The following CTNND2 variants were observed in gnomAD, a reference collection of about 807,000 sequenced individuals.
The protein encoded by CTNND2 is catenin delta-2.
A neutral mutation model predicts 144.4 loss-of-function variants in CTNND2; 22 were observed. That is an observed-to-expected ratio of 0.15 (90% confidence interval 0.11 to 0.22). CTNND2 has a LOEUF of 0.22. Among genes scored for constraint, CTNND2 ranks in the 10% least tolerant of loss-of-function variants. CTNND2 has a pLI of 1.00. For synonymous variants in CTNND2, 751 were observed against 695.6 expected (o/e 1.08, Z -1.25); for missense variants, 1,353 against 1,618.8 (o/e 0.84, Z 2.82).
At chr5:11,201,133 T>A (rs1255598797) in intron 10 of CTNND2, among the ~76,000 whole-genome samples, 1 of 152,236 alleles carries the variant, frequency 6.6e-6, no homozygotes, top group Non-Finnish European at 1.5e-5. Context: ...TTTGTCATGT[T>A]CTAACTTATT....
intron 3 of CTNND2, among the ~76,000 whole-genome samples, chr5:11,560,984 A>G (rs1387859632): frequency 2.0e-5 from 3 of 152,192 alleles, no homozygotes; most frequent in Non-Finnish European, 4.4e-5. Context: ...GGAGAGTATG[A>G]CAAGGGCAGG....
At chr5:11,237,263 C>T (rs1741755507) in intron 9 of CTNND2, among the ~76,000 whole-genome samples, 1 of 152,142 alleles carries the variant, frequency 6.6e-6, no homozygotes, top group African/African-American at 2.4e-5. Context: ...TCGTGATCCG[C>T]CCACCTCGGC....
intron 1 of CTNND2, among the ~76,000 whole-genome samples, chr5:11,773,889 T>G (rs748009781): frequency 1.3e-5 from 2 of 151,878 alleles, no homozygotes; most frequent in East Asian, 1.9e-4. Flanking sequence ...CATCATGTAT[T>G]AATAGAAGTC....
intron 7 of CTNND2, among the ~76,000 whole-genome samples, chr5:11,367,227 G>A (rs889062100): frequency 2.6e-5 from 4 of 152,224 alleles, no homozygotes; most frequent in Admixed American, 1.3e-4. Context: ...TATCCACTGT[G>A]ATCAAGTTTT....
chr5:11,531,624 A>AAAAAC (rs1028278673), intron 3 of CTNND2, among the ~76,000 whole-genome samples: 4 of 152,240 alleles, frequency 2.6e-5, no homozygotes, highest in East Asian at 1.9e-4. Flanking sequence ...AGACTCTGTC[A>AAAAAC]AAAACAAAAC....
rs1756445992 is a variant in CTNND2 at position 11,361,476 on chromosome 5, G to A, written c.1372+3220C>T. Among the ~76,000 whole-genome samples, 4 of 152,192 alleles carry A rather than the reference G, an allele frequency of 2.6e-5. No individual in the cohort carries two copies. In the South Asian group the frequency reaches 6.2e-4, roughly 24 times the overall value. On this transcript the variant is annotated intron_variant, in intron 8 of 21. Coordinates refer to ENST00000304623, the MANE Select transcript of CTNND2 (RefSeq NM_001332.4). ...CAGCCTGTGTGAAGGTTTAAAGACT[G>A]GTTCCACACAACCCGTGTGACCTTC...
At chr5:11,190,622 G>A (rs894961808) in intron 11 of CTNND2, among the ~76,000 whole-genome samples, 5 of 152,216 alleles carry the variant, frequency 3.3e-5, no homozygotes, top group African/African-American at 9.6e-5. Flanking sequence ...GTATGAAATA[G>A]AAGGTTCTAT....
In CTNND2 at chr5:11,203,916, T is replaced by C. The variant is rs190373363; in HGVS notation, c.1762-4255A>G. On this transcript the variant is annotated intron_variant, in intron 10 of 21. Coordinates refer to ENST00000304623, the MANE Select transcript of CTNND2 (RefSeq NM_001332.4). Reference sequence around the variant, plus strand: ...ATATCTGCTACTTTCCTGGACCTAATAGAATTGGACAGTGACCAGAAGGGA... The same window carrying C: ...ATATCTGCTACTTTCCTGGACCTAACAGAATTGGACAGTGACCAGAAGGGA... Among the ~76,000 whole-genome samples the C allele has an allele frequency of 1.7e-4, 26 of 152,312 alleles. No homozygotes were observed. In the East Asian group the frequency reaches 4.6e-3, roughly 27 times the overall value.
At chr5:11,073,142 A>G (rs1580204968) in intron 16 of CTNND2, among the ~76,000 whole-genome samples, 2 of 152,258 alleles carry the variant, frequency 1.3e-5, no homozygotes, top group African/African-American at 4.8e-5. Context: ...TTAGTATTCA[A>G]GAGTAAAAAT....
chr5:11,782,721 C>T (rs917877826), intron 1 of CTNND2, among the ~76,000 whole-genome samples: 4 of 152,140 alleles, frequency 2.6e-5, no homozygotes, highest in Non-Finnish European at 5.9e-5. Flanking sequence ...CACTGTGAAA[C>T]GCTCAGTATC....
chr5:11,509,696 T>C (rs537696195), intron 3 of CTNND2, among the ~76,000 whole-genome samples: 2 of 152,326 alleles, frequency 1.3e-5, no homozygotes, highest in South Asian at 4.1e-4. Flanking sequence ...ATAAAATCTC[T>C]GAACTAGGAA....
chr5:11,151,606 G>C (rs1757764325), intron 12 of CTNND2, among the ~76,000 whole-genome samples: 1 of 152,098 alleles, frequency 6.6e-6, no homozygotes. Flanking sequence ...TTAAATATTT[G>C]CTTGTCCTTT....
At chr5:11,417,061 T>C (rs1045854030) in intron 3 of CTNND2, among the ~76,000 whole-genome samples, 3 of 152,212 alleles carry the variant, frequency 2.0e-5, no homozygotes, top group Non-Finnish European at 4.4e-5. Context: ...AAAATCCTAA[T>C]AGCTAATATT....
chr5:11,482,098 T>A (rs1206167337), intron 3 of CTNND2, among the ~76,000 whole-genome samples: 1 of 152,182 alleles, frequency 6.6e-6, no homozygotes, highest in Non-Finnish European at 1.5e-5. Flanking sequence ...TCTCCCATCA[T>A]TGAAGTCGGA....
intron 7 of CTNND2, among the ~76,000 whole-genome samples, chr5:11,372,020 G>A (rs767583818): frequency 6.6e-6 from 1 of 152,114 alleles, no homozygotes; most frequent in Non-Finnish European, 1.5e-5. Flanking sequence ...CAGCTTTGCT[G>A]CTTTCACTAA....
intron 9 of CTNND2, among the ~76,000 whole-genome samples, chr5:11,240,206 CCCCCAACACACACA>C (rs1742101130): frequency 8.8e-6 from 1 of 113,212 alleles, no homozygotes. Context: ...CACACACACA[CCCCCAACACACACA>C]CCCAACACAC....
At chr5:11,090,075 G>A (rs868593861) in intron 15 of CTNND2, among the ~76,000 whole-genome samples, 3 of 152,154 alleles carry the variant, frequency 2.0e-5, no homozygotes, top group Non-Finnish European at 4.4e-5. Flanking sequence ...GTGTTCTAAA[G>A]CCAAACAAAT....
At chr5:11,367,951 T>G (rs999480092) in intron 7 of CTNND2, among the ~76,000 whole-genome samples, 3 of 152,194 alleles carry the variant, frequency 2.0e-5, no homozygotes, top group Admixed American at 1.3e-4. Context: ...CATCCAGCAT[T>G]AACGTCTCAA....
At chr5:11,207,610 T>A (rs994032520) in intron 10 of CTNND2, among the ~76,000 whole-genome samples, 2 of 152,116 alleles carry the variant, frequency 1.3e-5, no homozygotes, top group Non-Finnish European at 2.9e-5. Context: ...ACAGCTCTCA[T>A]CCTCCCCACC....
Sources: allele counts gnomAD v4.1 joint callset (sites outside exome capture counted in the v4.1 genomes callset), GRCh38; gene constraint gnomAD v4.1.1; transcripts MANE v1.5; gene names NCBI Gene and HGNC (gene_info 2026-07-23, HGNC 2026-07-21).